The following GRID2 variants were observed in gnomAD, a reference collection of about 807,000 sequenced individuals.
The protein encoded by GRID2 is glutamate receptor ionotropic, delta-2.
Under a neutral mutation model 114.8 loss-of-function variants are expected in GRID2, and 33 were observed. The ratio of observed to expected loss-of-function variants is 0.29; its 90% CI spans 0.22 to 0.38. GRID2 has a LOEUF of 0.38. Ranked by LOEUF, GRID2 falls within the 10% of genes least tolerant of loss-of-function variation. The pLI is 1.00. For missense variants in GRID2, 1,184 were observed against 1,257.7 expected (o/e 0.94, Z 0.89); for synonymous variants, 505 against 449.9 (o/e 1.12, Z -1.55).
At chr4:92,995,296 C>A (rs1380571253) in intron 2 of GRID2, among the ~76,000 whole-genome samples, 1 of 152,068 alleles carries the variant, frequency 6.6e-6, no homozygotes, top group African/African-American at 2.4e-5. Context: ...TCATATGTGT[C>A]ATTAAAAATG....
chr4:93,169,573 A>T (rs1352958414), intron 4 of GRID2, among the ~76,000 whole-genome samples: 1 of 152,228 alleles, frequency 6.6e-6, no homozygotes, highest in African/African-American at 2.4e-5. Flanking sequence ...GTCAAATATT[A>T]TAAAGGGCAA....
intron 13 of GRID2, among the ~76,000 whole-genome samples, chr4:93,575,327 A>G (rs957484344): frequency 6.6e-6 from 1 of 152,148 alleles, no homozygotes; most frequent in Non-Finnish European, 1.5e-5. Context: ...TTTTGCCTCC[A>G]TAGTCTTCTT....
At chr4:92,898,768 A>G (rs1181277978) in intron 2 of GRID2, among the ~76,000 whole-genome samples, 1 of 152,162 alleles carries the variant, frequency 6.6e-6, no homozygotes, top group East Asian at 1.9e-4. Flanking sequence ...TGGGCCAAAT[A>G]CCATCCTTTT....
intron 4 of GRID2, among the ~76,000 whole-genome samples, chr4:93,174,696 T>C (rs1739181343): frequency 6.6e-6 from 1 of 152,144 alleles, no homozygotes; most frequent in African/African-American, 2.4e-5. Context: ...AAGCCAAGAA[T>C]ACAGCCCTCA....
intron 2 of GRID2, among the ~76,000 whole-genome samples, chr4:93,050,529 TGTGTGTGTG>T (rs1247252064): frequency 5.8e-4 from 86 of 149,164 alleles, no homozygotes; most frequent in African/African-American, 2.0e-3. Flanking sequence ...TGTGTGTGTG[TGTGTGTGTG>T]TGTGTGTGTG....
intron 1 of GRID2, among the ~76,000 whole-genome samples, chr4:92,338,897 CTCTT>C (rs961142494): frequency 1.1e-3 from 169 of 152,098 alleles, no homozygotes; most frequent in African/African-American, 3.7e-3. Context: ...CTGTTGGACA[CTCTT>C]TATTTTACAG....
chr4:93,604,122 G>A (rs1321634941), intron 13 of GRID2, among the ~76,000 whole-genome samples: 2 of 152,322 alleles, frequency 1.3e-5, no homozygotes, highest in Non-Finnish European at 2.9e-5. Flanking sequence ...TTTGGACAAA[G>A]TAAATTGAAA....
chr4:93,680,500 C>T (rs1178820843), intron 14 of GRID2, among the ~76,000 whole-genome samples: 2 of 151,288 alleles, frequency 1.3e-5, no homozygotes, highest in East Asian at 1.9e-4. Flanking sequence ...GACCAATATC[C>T]TTGATGAACA....
chr4:93,635,342 G>A (rs1462471239), intron 14 of GRID2, among the ~76,000 whole-genome samples: 2 of 150,334 alleles, frequency 1.3e-5, no homozygotes, highest in Non-Finnish European at 3.0e-5. Context: ...AAGCAAGAAA[G>A]AGGACACTGA....
At chr4:92,944,114 G>T (rs958833769) in intron 2 of GRID2, among the ~76,000 whole-genome samples, 23 of 152,336 alleles carry the variant, frequency 1.5e-4, no homozygotes, top group South Asian at 1.2e-3. Flanking sequence ...AAAGCTGTCA[G>T]ACAGGTACAT....
chr4:92,473,564 C>T (rs981796210), intron 1 of GRID2, among the ~76,000 whole-genome samples: 1 of 151,940 alleles, frequency 6.6e-6, no homozygotes, highest in Non-Finnish European at 1.5e-5. Context: ...TTCATAGATT[C>T]CCTTTTCAGG....
intron 14 of GRID2, among the ~76,000 whole-genome samples, chr4:93,723,393 G>A (rs1208900308): frequency 6.6e-6 from 1 of 152,184 alleles, no homozygotes; most frequent in Admixed American, 6.6e-5. Flanking sequence ...GCATTTTACA[G>A]ACACAGGCAA....
chr4:92,954,126 A>C (rs1752217276), intron 2 of GRID2, among the ~76,000 whole-genome samples: 1 of 152,150 alleles, frequency 6.6e-6, no homozygotes, highest in East Asian at 1.9e-4. Flanking sequence ...ACAAGGTCGA[A>C]AGCACATTAA....
At chr4:92,562,445 T>C (rs570714109) in intron 1 of GRID2, among the ~76,000 whole-genome samples, 1 of 152,294 alleles carries the variant, frequency 6.6e-6, no homozygotes, top group African/African-American at 2.4e-5. Context: ...TACCATAACT[T>C]CACAACTAAT....
intron 2 of GRID2, among the ~76,000 whole-genome samples, chr4:92,722,399 A>G (rs1165055368): frequency 1.3e-5 from 2 of 152,056 alleles, no homozygotes; most frequent in Admixed American, 6.6e-5. Context: ...CTGAACCAAG[A>G]AAAAAAATAA....
chr4:93,355,182 GAACAAACC>G (rs1265883640), intron 8 of GRID2, among the ~76,000 whole-genome samples: 2 of 151,694 alleles, frequency 1.3e-5, no homozygotes, highest in African/African-American at 4.8e-5. Context: ...TACTACTGTG[GAACAAACC>G]ACCCCAACAC....
At chr4:92,687,176 T>G (rs987638129) in intron 2 of GRID2, among the ~76,000 whole-genome samples, 3 of 135,754 alleles carry the variant, frequency 2.2e-5, no homozygotes, top group Non-Finnish European at 4.8e-5. Context: ...GATACGGATT[T>G]TTTTGATTTT....
At chr4:93,744,108 A>G (rs1354624797) in intron 14 of GRID2, among the ~76,000 whole-genome samples, 1 of 152,244 alleles carries the variant, frequency 6.6e-6, no homozygotes, top group Non-Finnish European at 1.5e-5. Flanking sequence ...GACACTGCTC[A>G]GAAAACAAGA....
intron 2 of GRID2, among the ~76,000 whole-genome samples, chr4:92,692,981 C>T (rs187891735): frequency 4.9e-4 from 74 of 150,944 alleles, no homozygotes; most frequent in African/African-American, 1.8e-3. Context: ...TGAGATCATG[C>T]CATTGTATTC....
Sources: gnomAD v4.1 joint callset for allele counts (sites outside exome capture counted in the v4.1 genomes callset) on GRCh38, gnomAD v4.1.1 for gene constraint, MANE v1.5 for transcripts, NCBI Gene and HGNC (gene_info 2026-07-23, HGNC 2026-07-21) for gene names.